CDK17: variants seen among roughly 807,000 people sequenced by gnomAD.
CDK17 encodes the protein cyclin-dependent kinase 17.
CDK17 carries 24 observed loss-of-function variants against 77.6 expected under a neutral mutation model. The ratio of observed to expected loss-of-function variants is 0.31; its 90% CI spans 0.22 to 0.44. CDK17 has a LOEUF of 0.44. CDK17 is among the 20% of genes least tolerant of loss of function. The pLI, the probability that CDK17 is intolerant of heterozygous loss-of-function variation, is 1.00. For missense variants in CDK17, 429 were observed against 622.5 expected (o/e 0.69, Z 3.31); for synonymous variants, 203 against 210.4 (o/e 0.96, Z 0.30).
chr12:96,316,992 G>A (rs1428622437), intron 3 of CDK17, among the ~76,000 whole-genome samples: 54 of 147,598 alleles, frequency 3.7e-4, no homozygotes, highest in African/African-American at 1.3e-3. Flanking sequence ...GAAGGCTTCA[G>A]ACGATCAAAT....
intron 1 of CDK17, among the ~76,000 whole-genome samples, chr12:96,350,735 G>T (rs1953297747): frequency 6.6e-6 from 1 of 151,978 alleles, no homozygotes; most frequent in Non-Finnish European, 1.5e-5. Context: ...ATGAATCAAA[G>T]GCCTAAATAT....
At chr12:96,378,189 G>A (rs1269568830) in intron 1 of CDK17, among the ~76,000 whole-genome samples, 2 of 152,114 alleles carry the variant, frequency 1.3e-5, no homozygotes, top group Non-Finnish European at 2.9e-5. Context: ...TGAGGGCTGT[G>A]TATCTAATTA....
chr12:96,280,637 C>A, intron 16 of CDK17, 171 bp downstream of exon 16: 1 of 1,425,268 alleles, frequency 7.0e-7, no homozygotes, highest in South Asian at 1.6e-5. Flanking sequence ...TACTGAGCTG[C>A]CCACATCATA....
chr12:96,328,024 T>C (rs1952913836), intron 2 of CDK17, among the ~76,000 whole-genome samples: 1 of 152,196 alleles, frequency 6.6e-6, no homozygotes, highest in Non-Finnish European at 1.5e-5. Flanking sequence ...GGTGAGCAGT[T>C]GGCAAGTGAG....
chr12:96,324,645 T>C (rs1952869698), intron 2 of CDK17, among the ~76,000 whole-genome samples: 1 of 152,022 alleles, frequency 6.6e-6, no homozygotes, highest in Admixed American at 6.6e-5. Flanking sequence ...CATGCGCCTG[T>C]AGTCCCAGCT....
intron 1 of CDK17, among the ~76,000 whole-genome samples, chr12:96,351,518 T>C (rs1446413616): frequency 6.6e-6 from 1 of 152,210 alleles, no homozygotes; most frequent in African/African-American, 2.4e-5. Context: ...GAGAACATTA[T>C]GCTAAGGGAA....
intron 1 of CDK17, among the ~76,000 whole-genome samples, chr12:96,394,166 A>AACCC (rs1380637927): frequency 6.6e-6 from 1 of 152,068 alleles, no homozygotes; most frequent in Non-Finnish European, 1.5e-5. Flanking sequence ...GAATCACTTG[A>AACCC]ACCCGGGAGG....
intron 1 of CDK17, chr12:96,335,245 G>A (rs1953025947): frequency 3.2e-6 from 1 of 314,078 alleles, no homozygotes; most frequent in Non-Finnish European, 6.2e-6. Context: ...ACCAGCCAGT[G>A]ATATCTTCAG....
intron 1 of CDK17, among the ~76,000 whole-genome samples, chr12:96,364,149 T>C (rs977240167): frequency 6.6e-6 from 1 of 152,224 alleles, no homozygotes; most frequent in Non-Finnish European, 1.5e-5. Flanking sequence ...ATATGACACA[T>C]TCTCATTTGC....
chr12:96,359,836 T>C (rs947884515), intron 1 of CDK17, among the ~76,000 whole-genome samples: 4 of 152,216 alleles, frequency 2.6e-5, no homozygotes, highest in African/African-American at 7.2e-5. Flanking sequence ...AAATTATCTA[T>C]ATCCCTTGAT....
At chr12:96,355,710 T>C (rs1485536838) in intron 1 of CDK17, among the ~76,000 whole-genome samples, 2 of 152,082 alleles carry the variant, frequency 1.3e-5, no homozygotes, top group South Asian at 2.1e-4. Flanking sequence ...CCGGCATATA[T>C]TGGTCTATTG....
intron 7 of CDK17, among the ~76,000 whole-genome samples, chr12:96,298,179 C>T (rs976198247): frequency 2.6e-5 from 4 of 151,602 alleles, no homozygotes; most frequent in South Asian, 2.1e-4. Context: ...TCCAGCTACT[C>T]GGGAGGCTAA....
intron 1 of CDK17, among the ~76,000 whole-genome samples, chr12:96,354,937 C>T (rs1438093126): frequency 6.6e-5 from 10 of 152,108 alleles, no homozygotes; most frequent in Admixed American, 6.6e-4. Flanking sequence ...CACCGCAACA[C>T]CTCTGCCCTC....
intron 1 of CDK17, among the ~76,000 whole-genome samples, chr12:96,343,080 C>T (rs1304726384): frequency 9.9e-5 from 15 of 152,164 alleles, no homozygotes; most frequent in African/African-American, 3.1e-4. Flanking sequence ...GATTTTCCTC[C>T]ATTCAAAAAT....
chr12:96,298,272 G>A (rs1031648612), intron 7 of CDK17, among the ~76,000 whole-genome samples: 3 of 150,482 alleles, frequency 2.0e-5, no homozygotes, highest in African/African-American at 7.3e-5. Context: ...GGGCAACAGA[G>A]CCAGACTCCC....
chr12:96,313,408 G>T lies in CDK17; in HGVS notation c.330C>A (p.Asp110Glu). ...NLKMGSDGES[D>E]QASGTSSDEV... is the part of the protein sequence containing the mutation. Reference sequence around the variant, plus strand: ...CATCAGATGATGTCCCAGAAGCTTGGTCACTCTCACCATCTGATCCCATTT... The same window carrying T: ...CATCAGATGATGTCCCAGAAGCTTGTTCACTCTCACCATCTGATCCCATTT... Residue 110 changes from aspartate to glutamate, a missense_variant, in exon 4 of 17, where the codon GAC becomes GAA. By Grantham distance (45) the Asp-to-Glu change is conservative. Around this residue, in one of 4 missense-constraint regions of CDK17, gnomAD observed 262 missense variants for 385.4 expected, o/e 0.68. Coordinates refer to ENST00000261211, the MANE Select transcript of CDK17 (RefSeq NM_002595.5). The T allele has an allele frequency of 6.3e-7, 1 of 1,592,582 alleles. No individual in the cohort carries two copies. Among genetic ancestry groups the T allele is most frequent in the Non-Finnish European group, 8.5e-7 (1 of 1,170,462 alleles).
chr12:96,381,782 T>C (rs991409150), intron 1 of CDK17, among the ~76,000 whole-genome samples: 3 of 151,678 alleles, frequency 2.0e-5, no homozygotes, highest in African/African-American at 7.3e-5. Flanking sequence ...TTTTTTATTA[T>C]ATAACAACTT....
chr12:96,318,350 G>A (rs1345722479), intron 3 of CDK17, among the ~76,000 whole-genome samples: 3 of 145,992 alleles, frequency 2.1e-5, no homozygotes, highest in African/African-American at 7.6e-5. Flanking sequence ...ATTAATAATG[G>A]GAGACTTTAA....
intron 1 of CDK17, among the ~76,000 whole-genome samples, chr12:96,368,803 A>T (rs1953635283): frequency 2.6e-4 from 1 of 3,848 alleles, no homozygotes. Flanking sequence ...AGCTACTCTA[A>T]GACGGGGGGG....
Sources: allele counts gnomAD v4.1 joint callset (sites outside exome capture counted in the v4.1 genomes callset), GRCh38; gene constraint gnomAD v4.1.1; regional missense constraint gnomAD v4.1.1; transcripts MANE v1.5; gene names NCBI Gene and HGNC (gene_info 2026-07-23, HGNC 2026-07-21).